The following DOC2B variants were observed in gnomAD, a reference collection of about 807,000 sequenced individuals.
DOC2B encodes double C2-like domain-containing protein beta.
DOC2B carries 21 observed loss-of-function variants against 28.9 expected under a neutral mutation model. The ratio of observed to expected loss-of-function variants is 0.73; its 90% CI spans 0.52 to 1.05. DOC2B has a LOEUF of 1.05. DOC2B is among the 50% of genes least tolerant of loss of function. DOC2B has a pLI of 0.00. For missense variants in DOC2B, 384 were observed against 421.1 expected (o/e 0.91, Z 0.77); for synonymous variants, 194 against 178.1 (o/e 1.09, Z -0.71).
At chr17:155,914 G>C (rs2151462064) in intron 6 of DOC2B, 1 of 376,798 alleles carries the variant, frequency 2.7e-6, no homozygotes, top group South Asian at 6.2e-5. Context: ...GTCCCCTCCT[G>C]CAACTCATGG....
chr17:164,249 T>G, intron 2 of DOC2B, 45 bp from the exon 3 acceptor site: 10 of 1,445,018 alleles, frequency 6.9e-6, no homozygotes, highest in Non-Finnish European at 9.5e-6. Flanking sequence ...ATCGGGGACA[T>G]GGAACTGACA....
intron 1 of DOC2B, among the ~76,000 whole-genome samples, chr17:180,235 C>T (rs1370824985): frequency 6.6e-6 from 1 of 152,266 alleles, no homozygotes; most frequent in African/African-American, 2.4e-5. Context: ...GGACTGCGAC[C>T]TCTTCCGGCC....
At chr17:161,393 G>A in intron 5 of DOC2B, 22 bp downstream of exon 5, 2 of 1,551,414 alleles carry the variant, frequency 1.3e-6, no homozygotes, top group Non-Finnish European at 1.7e-6. Flanking sequence ...GTACACAGCA[G>A]GTGCTCAATC....
chr17:180,089 G>C (rs1468158528), intron 1 of DOC2B, among the ~76,000 whole-genome samples: 1 of 152,276 alleles, frequency 6.6e-6, no homozygotes, highest in African/African-American at 2.4e-5. Context: ...CCCTGGAGAA[G>C]GGCCACATCC....
At position 161,998 on chromosome 17, in the gene DOC2B, C is replaced by T; in HGVS notation, c.638+83G>A. On this transcript the variant is annotated intron_variant, in intron 4 of 8. Transcript: ENST00000613549. Reference sequence around the variant, plus strand: ...GTTGAACCCACAGGGGACCATCTGACCCTCCAGTCCTGCCTTCATTAGGAA... The same window carrying T: ...GTTGAACCCACAGGGGACCATCTGATCCTCCAGTCCTGCCTTCATTAGGAA... 1.3e-5 allele frequency: 13 copies of T among 984,590 alleles called. No homozygotes were observed. In the South Asian group the frequency reaches 1.5e-4, roughly 12 times the overall value. The allele number at this position is 984,590 out of a possible 1,614,324, so 61.0% of individuals were successfully genotyped here. A position where few individuals can be genotyped will look rare whatever the true frequency, so the allele number is the denominator to read the frequency against.
chr17:148,330 G>A, intron 7 of DOC2B, 61 bp from the exon 8 acceptor site: 1 of 398,640 alleles, frequency 2.5e-6, no homozygotes, highest in Non-Finnish European at 4.4e-6. Flanking sequence ...CCGGGGGCCA[G>A]GAGGGGTATG....
intron 6 of DOC2B, 131 bp from the exon 7 acceptor site, chr17:149,323 G>A: frequency 2.5e-6 from 1 of 397,588 alleles, no homozygotes; most frequent in African/African-American, 2.1e-5. Context: ...CCTAATCATT[G>A]GATTTTCCCA....
chr17:175,057 T>C (rs1232053832), intron 1 of DOC2B, among the ~76,000 whole-genome samples: 2 of 152,078 alleles, frequency 1.3e-5, no homozygotes, highest in Non-Finnish European at 2.9e-5. Context: ...CTGGCCAACA[T>C]GGAAACACCC....
In DOC2B at chr17:144,553, C is replaced by G. The variant is rs1241493318; in HGVS notation, c.*2888G>C. 1.3e-5 allele frequency: 2 copies of G among 152,246 alleles called. No individual in the cohort carries two copies. The highest frequency in any genetic ancestry group is 4.8e-5 in the African/African-American group (2 of 41,454). The allele number at this position is 152,246 out of a possible 1,614,324, so 9.4% of individuals were successfully genotyped here. Reference sequence around the variant, plus strand: ...GCAATTACAGGCGTGAGCCATCGTGCCTCAAAACGCTTTAACAGAAAGACA... The same window carrying G: ...GCAATTACAGGCGTGAGCCATCGTGGCTCAAAACGCTTTAACAGAAAGACA... On this transcript the variant is annotated 3_prime_UTR_variant, in exon 9 of 9. Coordinates refer to ENST00000613549, the MANE Select transcript of DOC2B (RefSeq NM_003585.5).
chr17:173,315 GC>G (rs2040333825), intron 1 of DOC2B, among the ~76,000 whole-genome samples: 1 of 152,202 alleles, frequency 6.6e-6, no homozygotes, highest in Admixed American at 6.5e-5. Flanking sequence ...GGCTTTCCAT[GC>G]AGAAGCGGCT....
intron 1 of DOC2B, among the ~76,000 whole-genome samples, chr17:173,875 A>T (rs2040340057): frequency 6.6e-6 from 1 of 152,224 alleles, no homozygotes; most frequent in Non-Finnish European, 1.5e-5. Flanking sequence ...TAGGCTCCCA[A>T]CCTGGATCTA....
chr17:180,701 G>C (rs929195295), intron 1 of DOC2B, among the ~76,000 whole-genome samples: 8 of 151,536 alleles, frequency 5.3e-5, no homozygotes, highest in African/African-American at 1.9e-4. Flanking sequence ...CTGGCGAGCG[G>C]GGAGCGACCG....
At position 181,256 on chromosome 17, in the gene DOC2B, C is replaced by T. The variant is rs898693816; in HGVS notation, c.224G>A (p.Gly75Asp). Reference protein sequence around the residue: ...AGAGRRSPSDGAREDDEDVDQ... With the variant: ...AGAGRRSPSDDAREDDEDVDQ... ...CACATCCTCGTCGTCCTCGCGGGCG[C>T]CGTCGGAGGGGCTGCGGCGGCCGGC... Residue 75 changes from glycine (G) to aspartate (D), a missense_variant, in exon 1 of 9, where the codon GGC becomes GAC. Coordinates refer to ENST00000613549, the MANE Select transcript of DOC2B (RefSeq NM_003585.5). The surrounding 1 kb of genome is among the most constrained non-coding windows in gnomAD (Gnocchi z 7.0). 26 of 1,211,330 alleles carry T rather than the reference C, an allele frequency of 2.1e-5. No homozygotes were observed. The highest frequency in any genetic ancestry group is 2.7e-5 in the Non-Finnish European group (26 of 975,206). 75.0% of individuals were successfully genotyped at this position (1,211,330 alleles called of 1,614,324 possible). A position where few individuals can be genotyped will look rare whatever the true frequency, so the allele number is the denominator to read the frequency against.
chr17:170,612 T>C lies in DOC2B; in HGVS notation c.453+1925A>G, dbSNP rs147995582. ...CATGGCACTACTAGGGAGACTCTAC[T>C]GGCCATGCAGGCCCTTACCTTGCGA... On this transcript the variant is annotated intron_variant, in intron 2 of 8. Transcript: ENST00000613549. Among the ~76,000 whole-genome samples the C allele has an allele frequency of 2.9e-3, 439 of 152,268 alleles. 3 individuals carry two copies. Among genetic ancestry groups the C allele is most frequent in the South Asian group, 5.8e-3 (28 of 4,830 alleles).
intron 2 of DOC2B, among the ~76,000 whole-genome samples, chr17:165,559 G>C (rs1006709239): frequency 3.3e-5 from 5 of 152,028 alleles, no homozygotes; most frequent in African/African-American, 1.2e-4. Context: ...GAGGGAGGGA[G>C]ACTGTGTGGA....
At position 181,254 on chromosome 17, in the gene DOC2B, C is replaced by A. The variant is rs1403011759; in HGVS notation, c.226G>T (p.Ala76Ser). Residue 76 changes from alanine (A) to serine (S), a missense_variant, in exon 1 of 9, where the codon GCC becomes TCC. Physicochemically the swap from Ala to Ser is moderately conservative, Grantham distance 99 (BLOSUM62 1). Transcript: ENST00000613549. The surrounding 1 kb of genome is among the most constrained non-coding windows in gnomAD (Gnocchi z 7.0). ...GAGRRSPSDG[A>S]REDDEDVDQL... ...TCCACATCCTCGTCGTCCTCGCGGG[C>A]GCCGTCGGAGGGGCTGCGGCGGCCG... 20 of 1,211,682 alleles carry A rather than the reference C, an allele frequency of 1.7e-5. No homozygotes were observed. Among genetic ancestry groups the A allele is most frequent in the Non-Finnish European group, 2.1e-5 (20 of 975,444 alleles). 75.1% of individuals were successfully genotyped at this position (1,211,682 alleles called of 1,614,324 possible).
Position 181,120 on chromosome 17 carries a change from C to A in DOC2B, c.360G>T (p.Glu120Asp), listed in dbSNP as rs1295165212. ...PEDEPDADGY[E>D]SDDCTALGTL... ...TGGGAAACTTACTGCAGTCGTCCGA[C>A]TCGTAGCCGTCGGCGTCCGGCTCGT... The change falls in exon 1 of 9, where the codon GAG becomes GAT. Residue 120 changes from glutamate (E) to aspartate (D), a missense_variant. Glu to Asp is a conservative substitution (Grantham distance 45, BLOSUM62 2). Coordinates refer to ENST00000613549, the MANE Select transcript of DOC2B (RefSeq NM_003585.5). This position sits in a 1 kb window ranked among gnomAD's most constrained non-coding sequence, Gnocchi z 7.0. 8.0e-7 allele frequency: 1 copy of A among 1,252,820 alleles called. No individual in the cohort carries two copies. Among genetic ancestry groups the A allele is most frequent in the African/African-American group, 1.6e-5 (1 of 64,206 alleles). The allele number at this position is 1,252,820 out of a possible 1,614,324, so 77.6% of individuals were successfully genotyped here.
At chr17:180,456 G>A (rs966820848) in intron 1 of DOC2B, among the ~76,000 whole-genome samples, 2 of 152,122 alleles carry the variant, frequency 1.3e-5, no homozygotes, top group Non-Finnish European at 2.9e-5. Context: ...GCGAAGGTGC[G>A]CGGCCCTGGC....
intron 5 of DOC2B, among the ~76,000 whole-genome samples, chr17:159,846 A>G (rs2040179956): frequency 6.6e-6 from 1 of 151,926 alleles, no homozygotes; most frequent in Non-Finnish European, 1.5e-5. Flanking sequence ...ACACGTACTG[A>G]CATATGCTCT....
Sources: gnomAD v4.1 joint callset for allele counts (sites outside exome capture counted in the v4.1 genomes callset) on GRCh38, gnomAD v4.1.1 for gene constraint, Gnocchi (gnomAD v3.1) non-coding constraint, MANE v1.5 for transcripts, NCBI Gene and HGNC (gene_info 2026-07-23, HGNC 2026-07-21) for gene names.